PXDNL: variants seen among roughly 807,000 people sequenced by gnomAD.
PXDNL encodes the protein peroxidasin like.
Under a neutral mutation model 150.8 loss-of-function variants are expected in PXDNL, and 145 were observed. The ratio of observed to expected loss-of-function variants is 0.96; its 90% CI spans 0.84 to 1.10. PXDNL has a LOEUF of 1.10. Among genes scored for constraint, PXDNL ranks in the 50% least tolerant of loss-of-function variants. PXDNL has a pLI of 0.00. For missense variants in PXDNL, 2,087 were observed against 1,873.9 expected (o/e 1.11, Z -2.10); for synonymous variants, 757 against 725.7 (o/e 1.04, Z -0.69).
At chr8:51,326,514 A>T (rs755370314) in intron 21 of PXDNL, among the ~76,000 whole-genome samples, 2 of 152,212 alleles carry the variant, frequency 1.3e-5, no homozygotes, top group Non-Finnish European at 2.9e-5. Context: ...TAAAAATAAA[A>T]GAAAAATAAG....
intron 17 of PXDNL, among the ~76,000 whole-genome samples, chr8:51,399,845 A>G (rs1808195420): frequency 6.6e-6 from 1 of 152,252 alleles, no homozygotes; most frequent in Non-Finnish European, 1.5e-5. Flanking sequence ...AATAGAATTT[A>G]GAAGTGAAAT....
intron 2 of PXDNL, among the ~76,000 whole-genome samples, chr8:51,609,714 T>C (rs567191174): frequency 1.3e-5 from 2 of 152,186 alleles, no homozygotes; most frequent in South Asian, 4.1e-4. Context: ...AAAGGGAAAA[T>C]AGCAGCGAGA....
intron 2 of PXDNL, among the ~76,000 whole-genome samples, chr8:51,612,322 C>A (rs1239871865): frequency 6.6e-6 from 1 of 152,070 alleles, no homozygotes; most frequent in Non-Finnish European, 1.5e-5. Flanking sequence ...AGGAGAAAGG[C>A]GAGTAAAATT....
At chr8:51,652,268 A>G (rs1318412406) in intron 2 of PXDNL, among the ~76,000 whole-genome samples, 4 of 152,150 alleles carry the variant, frequency 2.6e-5, no homozygotes, top group African/African-American at 7.2e-5. Flanking sequence ...TTTTGCTTTT[A>G]CAATAAATTA....
intron 2 of PXDNL, among the ~76,000 whole-genome samples, chr8:51,652,470 C>CAA (rs1277560048): frequency 1.3e-5 from 2 of 151,670 alleles, no homozygotes; most frequent in Non-Finnish European, 2.9e-5. Context: ...CAAACACACA[C>CAA]ACACACACAC....
intron 3 of PXDNL, among the ~76,000 whole-genome samples, chr8:51,558,937 T>C (rs1050710967): frequency 3.3e-5 from 5 of 151,932 alleles, no homozygotes; most frequent in Non-Finnish European, 7.4e-5. Flanking sequence ...GAAAGGACCC[T>C]CAAATTCTTC....
intron 2 of PXDNL, among the ~76,000 whole-genome samples, chr8:51,603,081 T>C (rs1813761140): frequency 1.3e-5 from 2 of 152,034 alleles, no homozygotes; most frequent in South Asian, 4.1e-4. Context: ...CCCTGTGATA[T>C]GCAATATTAA....
chr8:51,636,311 C>T (rs925135387), intron 2 of PXDNL, among the ~76,000 whole-genome samples: 20 of 152,162 alleles, frequency 1.3e-4, no homozygotes, highest in Admixed American at 5.2e-4. Flanking sequence ...CTATTTTCAT[C>T]ACTACTATTT....
At chr8:51,711,965 G>C (rs144159585) in intron 1 of PXDNL, among the ~76,000 whole-genome samples, 1 of 152,198 alleles carries the variant, frequency 6.6e-6, no homozygotes, top group Admixed American at 6.5e-5. Flanking sequence ...CAAAGAAGAA[G>C]TTTTACTCTG....
chr8:51,383,798 A>C (rs1472848332), intron 17 of PXDNL, among the ~76,000 whole-genome samples: 2 of 152,232 alleles, frequency 1.3e-5, no homozygotes, highest in Non-Finnish European at 2.9e-5. Context: ...CACAGAGACC[A>C]CAGTGTCAAG....
At chr8:51,448,536 C>G (rs950578904) in intron 11 of PXDNL, among the ~76,000 whole-genome samples, 1 of 152,022 alleles carries the variant, frequency 6.6e-6, no homozygotes, top group South Asian at 2.1e-4. Flanking sequence ...AACCCCGTCT[C>G]TATTAAAAAT....
intron 2 of PXDNL, among the ~76,000 whole-genome samples, chr8:51,607,526 A>G (rs1335445645): frequency 6.6e-6 from 1 of 151,978 alleles, no homozygotes; most frequent in Non-Finnish European, 1.5e-5. Context: ...TCTACCCACC[A>G]ATACTGCTTG....
At chr8:51,360,579 A>G (rs1467278060) in intron 19 of PXDNL, among the ~76,000 whole-genome samples, 1 of 152,256 alleles carries the variant, frequency 6.6e-6, no homozygotes, top group African/African-American at 2.4e-5. Context: ...ACAGTTATAT[A>G]CACACATACA....
At chr8:51,404,641 T>C (rs1306578292) in intron 17 of PXDNL, among the ~76,000 whole-genome samples, 2 of 152,202 alleles carry the variant, frequency 1.3e-5, no homozygotes, top group East Asian at 1.9e-4. Flanking sequence ...AGGGTGCTGA[T>C]TGGTGCATTT....
chr8:51,669,562 T>A (rs1263476594), intron 1 of PXDNL, among the ~76,000 whole-genome samples: 2 of 152,150 alleles, frequency 1.3e-5, no homozygotes, highest in Admixed American at 6.5e-5. Flanking sequence ...TTTGGAGGGG[T>A]AATTTCAGGG....
At chr8:51,705,830 T>TGCGC (rs1206792030) in intron 1 of PXDNL, among the ~76,000 whole-genome samples, 2 of 57,618 alleles carry the variant, frequency 3.5e-5, no homozygotes, top group East Asian at 1.1e-3. Context: ...TGTGTGTGTG[T>TGCGC]GTGCGCGCGC....
At chr8:51,546,226 C>T (rs375716571) in intron 4 of PXDNL, among the ~76,000 whole-genome samples, 17 of 152,280 alleles carry the variant, frequency 1.1e-4, no homozygotes, top group East Asian at 9.6e-4. Context: ...AACATGCATT[C>T]CCACTGGGGA....
rs1188615451 is a variant in PXDNL, at chr8:51,409,224, C to G, written c.2400G>C (p.Thr800=). ...ACCAGCCCCAGTGCATGAGCATGCG[C>G]GTGTAGCTGTGGTCGGGGGTGACGG... ...AAAVTPDHSY[T]RMLMHWGWFL... is the part of the protein sequence containing the mutation. The change falls in exon 17 of 23, where the codon ACG becomes ACC. Residue 800 remains threonine (T), a synonymous_variant. Coordinates refer to ENST00000356297, the MANE Select transcript of PXDNL (RefSeq NM_144651.5). 6.4e-7 allele frequency: 1 copy of G among 1,557,518 alleles called. No individual in the cohort carries two copies. The highest frequency in any genetic ancestry group is 8.6e-7 in the Non-Finnish European group (1 of 1,156,524).
intron 3 of PXDNL, among the ~76,000 whole-genome samples, chr8:51,578,193 T>C (rs1480196741): frequency 6.6e-6 from 1 of 151,702 alleles, no homozygotes; most frequent in Non-Finnish European, 1.5e-5. Context: ...TATATTCCTG[T>C]TTACAGATAA....
Sources: gnomAD v4.1 joint callset for allele counts (sites outside exome capture counted in the v4.1 genomes callset) on GRCh38, gnomAD v4.1.1 for gene constraint, MANE v1.5 for transcripts, NCBI Gene and HGNC (gene_info 2026-07-23, HGNC 2026-07-21) for gene names.